Variants in GPC1 observed in about 807,000 individuals in gnomAD.
The protein encoded by GPC1 is glypican 1.
In GPC1, 26 loss-of-function variants were observed where a neutral mutation model predicts 51.5. The observed-to-expected ratio is 0.50, with a 90% confidence interval of 0.37 to 0.70. The LOEUF is 0.70. GPC1 is among the 30% of genes least tolerant of loss of function. The probability of loss-of-function intolerance (pLI) is 0.00; values close to 1 mark genes in which losing one functional copy is unlikely to be tolerated. For missense variants in GPC1, 775 were observed against 800.5 expected (o/e 0.97, Z 0.38); for synonymous variants, 380 against 348.3 (o/e 1.09, Z -1.01).
At chr2:240,437,106 G>A (rs547158595) in intron 1 of GPC1, among the ~76,000 whole-genome samples, 55 of 152,342 alleles carry the variant, frequency 3.6e-4, no homozygotes, top group Admixed American at 6.5e-4. Flanking sequence ...TGCTCTGGGG[G>A]GCTCCTCTGA....
At chr2:240,445,569 G>C (rs2151787166) in intron 1 of GPC1, among the ~76,000 whole-genome samples, 1 of 152,308 alleles carries the variant, frequency 6.6e-6, no homozygotes, top group East Asian at 1.9e-4. Flanking sequence ...GCAGACTGTG[G>C]TGGCCAAACA....
intron 1 of GPC1, chr2:240,452,982 C>T: frequency 2.8e-6 from 1 of 354,596 alleles, no homozygotes; most frequent in Non-Finnish European, 5.6e-6. Flanking sequence ...ACCCAGAGCC[C>T]GCGCGCCGCC....
chr2:240,463,944 G>A (rs1229436087), intron 4 of GPC1: 4 of 230,768 alleles, frequency 1.7e-5, no homozygotes, highest in Admixed American at 5.1e-5. Flanking sequence ...TGTGCTCCTG[G>A]GCGCATGTGA....
At position 240,435,904 on chromosome 2, in the gene GPC1, G is replaced by C. The variant is rs1210221895; in HGVS notation, c.-15G>C. 2 of 1,231,202 alleles carry C rather than the reference G, an allele frequency of 1.6e-6. No homozygotes were observed. Among genetic ancestry groups the C allele is most frequent in the Non-Finnish European group, 2.0e-6 (2 of 986,102 alleles). 76.3% of individuals were successfully genotyped at this position (1,231,202 alleles called of 1,614,324 possible). A position where few individuals can be genotyped will look rare whatever the true frequency, so the allele number is the denominator to read the frequency against. ...GAGGCGCGGGCGGGTGGCCGGGGGC[G>C]CCGCCGGCCCCGCCATGGAGCTCCG... On this transcript the variant is annotated 5_prime_UTR_variant, in exon 1 of 9. Coordinates refer to ENST00000264039, the MANE Select transcript of GPC1 (RefSeq NM_002081.3).
chr2:240,450,620 C>T, intron 1 of GPC1: 2 of 470,810 alleles, frequency 4.2e-6, no homozygotes, highest in South Asian at 3.1e-5. Context: ...CCATGTGTGA[C>T]CTCCCATTCA....
intron 1 of GPC1, among the ~76,000 whole-genome samples, chr2:240,454,497 G>T (rs945769450): frequency 6.6e-6 from 1 of 152,250 alleles, no homozygotes. Flanking sequence ...CCATCGGCCA[G>T]CCAGGAAGGC....
Position 240,464,846 on chromosome 2 carries a change from G to A in GPC1, c.1015-10G>A. The A allele has an allele frequency of 6.4e-7, 1 of 1,557,754 alleles. No homozygotes were observed. Among genetic ancestry groups the A allele is most frequent in the African/African-American group, 1.4e-5 (1 of 73,482 alleles). ...CACTACCCCCCAAGGACCCTGCAGTGTCTCTCCAGGTCATCCAGGGCTGCG... is the reference window on the plus strand; with the variant it reads ...CACTACCCCCCAAGGACCCTGCAGTATCTCTCCAGGTCATCCAGGGCTGCG... On this transcript the variant is annotated splice_polypyrimidine_tract_variant and intron_variant, in intron 5 of 8. Coordinates refer to ENST00000264039, the MANE Select transcript of GPC1 (RefSeq NM_002081.3).
At position 240,435,815 on chromosome 2, in the gene GPC1, C is replaced by T; in HGVS notation, c.-104C>T. The T allele has an allele frequency of 1.4e-6, 1 of 736,876 alleles. No individual in the cohort carries two copies. The highest frequency in any genetic ancestry group is 1.8e-6 in the Non-Finnish European group (1 of 546,746). 45.6% of individuals were successfully genotyped at this position (736,876 alleles called of 1,614,324 possible). A position where few individuals can be genotyped will look rare whatever the true frequency, so the allele number is the denominator to read the frequency against. On this transcript the variant is annotated 5_prime_UTR_variant, in exon 1 of 9. Coordinates refer to ENST00000264039, the MANE Select transcript of GPC1 (RefSeq NM_002081.3). ...CCGCCTCTGGACCGCGAGCCGCGCG[C>T]GCCGGGACCTTGGCTCTGCCCTTCG...
chr2:240,438,425 C>T (rs965728596), intron 1 of GPC1, among the ~76,000 whole-genome samples: 2 of 152,200 alleles, frequency 1.3e-5, no homozygotes, highest in African/African-American at 4.8e-5. Flanking sequence ...GCCTGGGCTC[C>T]GTGGAACGGG....
rs760858067 is a variant in GPC1 at position 240,466,174 on chromosome 2, C to T, written c.1561C>T (p.Leu521=). The stretch of plus-strand genomic sequence containing the variant: ...GCCCTTGACCCATGCCCTCCCAGGC[C>T]TGTCAGAGCAGGAAGGACAGAAGAC... The part of the protein sequence containing the change: ...RTPLTHALPG[L]SEQEGQKTSA... Residue 521 remains leucine (L), a synonymous_variant, in exon 9 of 9, where the codon CTG becomes TTG. Transcript: ENST00000264039. 1 of 1,612,898 alleles carries T rather than the reference C, an allele frequency of 6.2e-7. No homozygotes were observed.
chr2:240,464,377 TATGTGCGTGTTCACCTGTGCCCGTGGCAC>T lies in GPC1; in HGVS notation c.884-237_884-209del, dbSNP rs376635334. 896 of 520,216 alleles carry T rather than the reference TATGTGCGTGTTCACCTGTGCCCGTGGCAC, an allele frequency of 1.7e-3. 5 individuals carry two copies. The highest frequency in any genetic ancestry group is 0.015 in the African/African-American group (784 of 52,160). 32.2% of individuals were successfully genotyped at this position (520,216 alleles called of 1,614,324 possible). A position where few individuals can be genotyped will look rare whatever the true frequency, so the allele number is the denominator to read the frequency against. On this transcript the variant is annotated intron_variant, in intron 4 of 8. Transcript: ENST00000264039. Reference sequence around the variant, plus strand: ...GCAAGCATGCAGAATGGCCTCTGTGTATGTGCGTGTTCACCTGTGCCCGTGGCACAGGTGCACACGTGGGTGTGGGCCAA... The same window carrying T: ...GCAAGCATGCAGAATGGCCTCTGTGTAGGTGCACACGTGGGTGTGGGCCAA...
chr2:240,445,836 GTCCTC>G (rs2074046414), intron 1 of GPC1, among the ~76,000 whole-genome samples: 1 of 152,156 alleles, frequency 6.6e-6, no homozygotes, highest in Non-Finnish European at 1.5e-5. Context: ...GGAAAACGGC[GTCCTC>G]TCACTGTGAC....
chr2:240,462,809 C>T (rs1180053172), intron 3 of GPC1, among the ~76,000 whole-genome samples: 1 of 152,046 alleles, frequency 6.6e-6, no homozygotes, highest in Non-Finnish European at 1.5e-5. Context: ...CTGGGCTGGC[C>T]CATCCCTGCC....
At chr2:240,440,488 G>C (rs933750399) in intron 1 of GPC1, among the ~76,000 whole-genome samples, 1 of 152,190 alleles carries the variant, frequency 6.6e-6, no homozygotes, top group Non-Finnish European at 1.5e-5. Context: ...CTCCTGTCCT[G>C]GGCCTGGGCT....
intron 1 of GPC1, chr2:240,452,937 C>T: frequency 3.1e-6 from 1 of 319,194 alleles, no homozygotes; most frequent in African/African-American, 2.3e-5. Flanking sequence ...CCGCCCGGCC[C>T]CGCTCCGCCG....
intron 1 of GPC1, among the ~76,000 whole-genome samples, chr2:240,441,677 C>G (rs1299418916): frequency 3.3e-5 from 5 of 152,238 alleles, no homozygotes; most frequent in Non-Finnish European, 7.3e-5. Flanking sequence ...TCCTCGCTGC[C>G]GTGCCTGTGG....
rs563452137 is a variant in GPC1, at chr2:240,451,143, A to C, written c.167-7887A>C. On this transcript the variant is annotated intron_variant, in intron 1 of 8. Transcript: ENST00000264039. ...CCCTTCTGTTCCTTCCCCAGTGTTT[A>C]TGAGCCATCCCTCTTGGCGGGCTCC... The C allele has an allele frequency of 2.3e-5, 11 of 471,152 alleles. No homozygotes were observed. The East Asian group carries it at 7.7e-4, about 33-fold the overall frequency. 29.2% of individuals were successfully genotyped at this position (471,152 alleles called of 1,614,324 possible). A position where few individuals can be genotyped will look rare whatever the true frequency, so the allele number is the denominator to read the frequency against.
At chr2:240,465,935 T>C in intron 8 of GPC1, 123 bp from the exon 9 acceptor site, 3 of 650,578 alleles carry the variant, frequency 4.6e-6, no homozygotes, top group Non-Finnish European at 8.1e-6. Flanking sequence ...GATCAGGTGC[T>C]GCTGGTCCTG....
intron 1 of GPC1, among the ~76,000 whole-genome samples, chr2:240,443,989 G>T (rs1423982384): frequency 6.6e-6 from 1 of 152,362 alleles, no homozygotes; most frequent in Middle Eastern, 3.4e-3. Flanking sequence ...GGTGAGGCTG[G>T]GTCAGAGGAT....
Sources: gnomAD v4.1 joint callset for allele counts (sites outside exome capture counted in the v4.1 genomes callset) on GRCh38, gnomAD v4.1.1 for gene constraint, MANE v1.5 for transcripts, NCBI Gene and HGNC (gene_info 2026-07-23, HGNC 2026-07-21) for gene names.